The following KEL variants were observed in gnomAD, a reference collection of about 807,000 sequenced individuals.
KEL encodes the protein kell blood group glycoprotein.
In KEL, 96 loss-of-function variants were observed where a neutral mutation model predicts 99.5. The ratio of observed to expected loss-of-function variants is 0.97; its 90% CI spans 0.82 to 1.14. The LOEUF is 1.14. KEL is among the 50% of genes most tolerant of loss of function. The pLI, the probability that KEL is intolerant of heterozygous loss-of-function variation, is 0.00. For missense variants in KEL, 926 were observed against 924.2 expected (o/e 1.00, Z -0.03); for synonymous variants, 355 against 354.8 (o/e 1.00, Z -0.01).
In KEL at chr7:142,946,098, A is replaced by G. The variant is rs527362444; in HGVS notation, c.1314+109T>C. On this transcript the variant is annotated intron_variant, in intron 11 of 18. Transcript: ENST00000355265. ...TCAGTGGCCCTTCTCTGACTGCCCA[A>G]TTCCCCAATCACACACACCACTGAG... 206 of 799,022 alleles carry G rather than the reference A, an allele frequency of 2.6e-4. 1 individual carries two copies. The South Asian group carries it at 2.8e-3, about 11-fold the overall frequency. The allele number at this position is 799,022 out of a possible 1,614,324, so 49.5% of individuals were successfully genotyped here. A position where few individuals can be genotyped will look rare whatever the true frequency, so the allele number is the denominator to read the frequency against.
chr7:142,943,058 G>C lies in KEL; in HGVS notation c.1772-14C>G. 6.2e-7 allele frequency: 1 copy of C among 1,613,686 alleles called. No homozygotes were observed. The highest frequency in any genetic ancestry group is 8.5e-7 in the Non-Finnish European group (1 of 1,179,946). ...CCCCAGGCAGTACTGTTGAAAATGG[G>C]ACAAGAGAACATACAGCAAGAGAAC... is the stretch of plus-strand genomic sequence containing the variant. On this transcript the variant is annotated splice_polypyrimidine_tract_variant and intron_variant, in intron 16 of 18. Transcript: ENST00000355265.
chr7:142,953,469 T>G (rs561826027), intron 9 of KEL: 2 of 863,006 alleles, frequency 2.3e-6, no homozygotes, highest in African/African-American at 3.6e-5. Flanking sequence ...CTTAACTGTC[T>G]TCTGTGTCTG....
At chr7:142,946,553 A>T in intron 10 of KEL, 1 of 581,966 alleles carries the variant, frequency 1.7e-6, no homozygotes, top group Non-Finnish European at 3.1e-6. Flanking sequence ...GTTATTGCCT[A>T]TTGAATTTGA....
At chr7:142,958,239 C>A in intron 5 of KEL, 65 bp downstream of exon 5, 22 of 1,612,410 alleles carry the variant, frequency 1.4e-5, no homozygotes, top group Non-Finnish European at 1.7e-5. Flanking sequence ...AAAATGGCAG[C>A]CCTAAGCATG....
At chr7:142,958,067 C>A (rs149317047) in intron 5 of KEL, 94 bp from the exon 6 acceptor site, 2 of 1,481,402 alleles carry the variant, frequency 1.4e-6, no homozygotes, top group Non-Finnish European at 1.9e-6. Context: ...ACTGCCTGAC[C>A]TCTGCCCTGC....
At chr7:142,954,069 G>T in intron 8 of KEL, 113 bp from the exon 9 acceptor site, 3 of 1,411,874 alleles carry the variant, frequency 2.1e-6, no homozygotes, top group East Asian at 4.6e-5. Context: ...GGAGGGGATG[G>T]AGTCAGAGAC....
intron 6 of KEL, among the ~76,000 whole-genome samples, chr7:142,955,748 A>T (rs777654940): frequency 3.9e-5 from 6 of 152,150 alleles, no homozygotes; most frequent in Non-Finnish European, 7.3e-5. Flanking sequence ...CTCGAAAAAA[A>T]CTTTCACTTG....
intron 4 of KEL, among the ~76,000 whole-genome samples, chr7:142,960,184 TACTTACCC>T (rs1796922255): frequency 6.6e-6 from 1 of 152,208 alleles, no homozygotes; most frequent in South Asian, 2.1e-4. Context: ...ATATCCTTTG[TACTTACCC>T]ACTTTTTCTC....
At chr7:142,953,189 C>T in intron 9 of KEL, 1 of 206,448 alleles carries the variant, frequency 4.8e-6, no homozygotes. Flanking sequence ...GGTAGCCACC[C>T]AGGTATCAGG....
chr7:142,952,749 C>T (rs1423326612), intron 9 of KEL, 111 bp from the exon 10 acceptor site: 47 of 1,244,358 alleles, frequency 3.8e-5, no homozygotes, highest in Non-Finnish European at 5.4e-5. Flanking sequence ...GCTCCTTCTC[C>T]TCTGTATTAA....
intron 10 of KEL, among the ~76,000 whole-genome samples, chr7:142,950,729 T>G (rs767014023): frequency 6.6e-6 from 1 of 152,248 alleles, no homozygotes; most frequent in Non-Finnish European, 1.5e-5. Context: ...CAACCATTTA[T>G]GGATCACGAA....
chr7:142,959,875 C>A (rs1796912002), intron 4 of KEL, among the ~76,000 whole-genome samples: 1 of 152,186 alleles, frequency 6.6e-6, no homozygotes, highest in South Asian at 2.1e-4. Context: ...CCCTCCCACT[C>A]TTTCCCCATC....
At chr7:142,954,143 A>G (rs550100136) in intron 8 of KEL, 41 bp downstream of exon 8, 1 of 1,577,652 alleles carries the variant, frequency 6.3e-7, no homozygotes, top group East Asian at 2.2e-5. Context: ...TGAGAGGAAG[A>G]TCCCCATGCC....
chr7:142,944,596 C>G (rs1796465364), intron 12 of KEL, 47 bp downstream of exon 12: 5 of 1,484,824 alleles, frequency 3.4e-6, no homozygotes, highest in Non-Finnish European at 4.7e-6. Flanking sequence ...TTCCAATACT[C>G]CATTCCCTGC....
chr7:142,962,042 CT>C, intron 1 of KEL, 161 bp downstream of exon 1: 1 of 1,610,082 alleles, frequency 6.2e-7, no homozygotes, highest in African/African-American at 1.3e-5. Flanking sequence ...AACCTGTCCC[CT>C]GAATGTGCCA....
intron 17 of KEL, 54 bp from the exon 18 acceptor site, chr7:142,942,583 G>T: frequency 7.4e-7 from 1 of 1,347,222 alleles, no homozygotes. Context: ...GTGGCCATTT[G>T]AAAGTCCCTC....
At chr7:142,948,293 A>G (rs1796584728) in intron 10 of KEL, among the ~76,000 whole-genome samples, 1 of 152,200 alleles carries the variant, frequency 6.6e-6, no homozygotes, top group African/African-American at 2.4e-5. Flanking sequence ...GAGAAATAGA[A>G]TTCGAGAAAA....
At chr7:142,948,769 G>A (rs1796597765) in intron 10 of KEL, among the ~76,000 whole-genome samples, 1 of 152,146 alleles carries the variant, frequency 6.6e-6, no homozygotes, top group Admixed American at 6.5e-5. Context: ...ACAGAGAACA[G>A]CAGTGCAACA....
At chr7:142,954,061 A>G in intron 8 of KEL, 105 bp from the exon 9 acceptor site, 1 of 1,415,658 alleles carries the variant, frequency 7.1e-7, no homozygotes, top group Non-Finnish European at 9.9e-7. Context: ...TAACTGGGGG[A>G]GGGGATGGAG....
Sources: gnomAD v4.1 joint callset for allele counts (sites outside exome capture counted in the v4.1 genomes callset) on GRCh38, gnomAD v4.1.1 for gene constraint, MANE v1.5 for transcripts, NCBI Gene and HGNC (gene_info 2026-07-23, HGNC 2026-07-21) for gene names.